Variants in DCAF8 observed in about 807,000 individuals in gnomAD.
DCAF8 encodes the protein DDB1- and CUL4-associated factor 8.
In DCAF8, 20 loss-of-function variants were observed where a neutral mutation model predicts 68.0. The observed-to-expected ratio is 0.29, with a 90% CI of 0.21 to 0.43. The LOEUF is 0.43. Ranked by LOEUF, DCAF8 falls within the 20% of genes least tolerant of loss-of-function variation. DCAF8 has a pLI of 1.00. For synonymous variants in DCAF8, 230 were observed against 276.9 expected (o/e 0.83, Z 1.68); for missense variants, 460 against 771.0 (o/e 0.60, Z 4.78).
At chr1:160,224,600 G>A (rs555995113) in intron 9 of DCAF8, 51 bp from the exon 10 acceptor site, 21 of 1,468,394 alleles carry the variant, frequency 1.4e-5, no homozygotes, top group African/African-American at 5.6e-5. Context: ...AAAAAGCAGG[G>A]ACCAGGAGGT....
chr1:160,227,079 C>A (rs1431423891), intron 7 of DCAF8, among the ~76,000 whole-genome samples: 1 of 152,162 alleles, frequency 6.6e-6, no homozygotes, highest in Non-Finnish European at 1.5e-5. Flanking sequence ...TGCACATAAG[C>A]ATACTTTCTG....
intron 3 of DCAF8, among the ~76,000 whole-genome samples, chr1:160,241,146 C>T (rs1350446914): frequency 2.0e-5 from 3 of 151,968 alleles, no homozygotes; most frequent in Middle Eastern, 3.2e-3. Flanking sequence ...AGCGAGACTC[C>T]ATCTCAAAAA....
At chr1:160,242,845 C>T (rs1656173144) in intron 3 of DCAF8, among the ~76,000 whole-genome samples, 1 of 152,182 alleles carries the variant, frequency 6.6e-6, no homozygotes, top group Non-Finnish European at 1.5e-5. Flanking sequence ...GTTTGCCAAT[C>T]CTTGACCTAG....
At position 160,217,340 on chromosome 1, in the gene DCAF8, T is replaced by C; in HGVS notation, c.*252A>G. 2 of 381,866 alleles carry C rather than the reference T, an allele frequency of 5.2e-6. No individual in the cohort carries two copies. Among genetic ancestry groups the C allele is most frequent in the Non-Finnish European group, 4.6e-6 (1 of 215,106 alleles). The allele number at this position is 381,866 out of a possible 1,614,324, so 23.7% of individuals were successfully genotyped here. A position where few individuals can be genotyped will look rare whatever the true frequency, so the allele number is the denominator to read the frequency against. On this transcript the variant is annotated 3_prime_UTR_variant, in exon 14 of 14. Coordinates refer to ENST00000368074, the MANE Select transcript of DCAF8 (RefSeq NM_015726.4). ...TTCCCTCTCCTCTCAAAAAGAGGCT[T>C]TGGGGAGAGGCCATTTCTGCCGAGT...
chr1:160,254,751 C>T (rs965763800), intron 2 of DCAF8, among the ~76,000 whole-genome samples: 2 of 151,744 alleles, frequency 1.3e-5, no homozygotes, highest in South Asian at 4.1e-4. Flanking sequence ...AGTCATGCCA[C>T]TGCACTACAG....
chr1:160,240,903 G>A (rs111419858), intron 3 of DCAF8, among the ~76,000 whole-genome samples: 4,005 of 152,230 alleles, frequency 0.026, 211 homozygotes, highest in African/African-American at 0.092. Flanking sequence ...GGTGGCTCAC[G>A]CCTGTAATCC....
At chr1:160,237,077 T>C (rs540506163) in intron 6 of DCAF8, 58 bp downstream of exon 6, 35 of 1,244,370 alleles carry the variant, frequency 2.8e-5, no homozygotes, top group Non-Finnish European at 3.2e-5. Context: ...CCAAGACATA[T>C]GGAATATGTT....
chr1:160,232,945 A>T (rs1399840726), intron 6 of DCAF8, among the ~76,000 whole-genome samples: 1 of 152,236 alleles, frequency 6.6e-6, no homozygotes, highest in East Asian at 1.9e-4. Context: ...GGGTGGCATG[A>T]GGAATATTCT....
chr1:160,250,540 A>T (rs982399359), intron 2 of DCAF8, among the ~76,000 whole-genome samples: 14 of 152,224 alleles, frequency 9.2e-5, no homozygotes, highest in Admixed American at 2.0e-4. Flanking sequence ...AAATGACATA[A>T]TACCATTAAA....
chr1:160,246,377 A>G (rs1349763084), intron 2 of DCAF8, among the ~76,000 whole-genome samples: 1 of 152,236 alleles, frequency 6.6e-6, no homozygotes, highest in East Asian at 1.9e-4. Flanking sequence ...TAATTGCTCT[A>G]GAAAATACAT....
In DCAF8 at chr1:160,217,522, G is replaced by T; in HGVS notation, c.*70C>A. 1 of 1,164,658 alleles carries T rather than the reference G, an allele frequency of 8.6e-7. No individual in the cohort carries two copies. The highest frequency in any genetic ancestry group is 1.3e-6 in the Non-Finnish European group (1 of 799,136). 72.1% of individuals were successfully genotyped at this position (1,164,658 alleles called of 1,614,324 possible). A position where few individuals can be genotyped will look rare whatever the true frequency, so the allele number is the denominator to read the frequency against. On this transcript the variant is annotated 3_prime_UTR_variant, in exon 14 of 14. Coordinates refer to ENST00000368074, the MANE Select transcript of DCAF8 (RefSeq NM_015726.4). ...TGCGTTTCTGCTGAATGTAGGGCCT[G>T]GGACAGGAAAGGGTTGCCCAGGCAG...
At chr1:160,236,672 A>C (rs575423211) in intron 6 of DCAF8, among the ~76,000 whole-genome samples, 5 of 152,336 alleles carry the variant, frequency 3.3e-5, no homozygotes, top group African/African-American at 1.2e-4. Flanking sequence ...TTTACCTATG[A>C]GTCTCAGATT....
At chr1:160,261,919 C>G (rs1435290755) in intron 1 of DCAF8, 1 of 159,882 alleles carries the variant, frequency 6.3e-6, no homozygotes, top group Admixed American at 6.5e-5. Context: ...GCCTTCCGTA[C>G]AAGGTGCTGG....
At chr1:160,248,077 G>A (rs866928175) in intron 2 of DCAF8, among the ~76,000 whole-genome samples, 5 of 152,078 alleles carry the variant, frequency 3.3e-5, no homozygotes, top group African/African-American at 4.8e-5. Context: ...AGGCCAAGGC[G>A]GGTGGATCAC....
chr1:160,238,592 C>A lies in DCAF8; in HGVS notation c.864+15G>T. 6.3e-7 allele frequency: 1 copy of A among 1,580,244 alleles called. No homozygotes were observed. ...GATTTGGATTGCACAAATTTTGGAG[C>A]AAGGTCTTACTTACCTTGTGGGACG... On this transcript the variant is annotated intron_variant, in intron 5 of 13. Transcript: ENST00000368074.
chr1:160,260,289 T>A (rs1023214478), intron 2 of DCAF8, among the ~76,000 whole-genome samples: 1 of 152,224 alleles, frequency 6.6e-6, no homozygotes, highest in South Asian at 2.1e-4. Flanking sequence ...AATATTAGTC[T>A]AGTATTTAAA....
At chr1:160,235,841 C>A (rs1284612647) in intron 6 of DCAF8, among the ~76,000 whole-genome samples, 1 of 151,840 alleles carries the variant, frequency 6.6e-6, no homozygotes, top group Admixed American at 6.6e-5. Context: ...CAGGTTCAAG[C>A]GATTCTCCTG....
At chr1:160,235,537 TAAC>T (rs930519806) in intron 6 of DCAF8, among the ~76,000 whole-genome samples, 3 of 151,978 alleles carry the variant, frequency 2.0e-5, no homozygotes, top group Non-Finnish European at 4.4e-5. Flanking sequence ...CTCTCATGGT[TAAC>T]AACAAGGTAG....
intron 11 of DCAF8, among the ~76,000 whole-genome samples, chr1:160,221,967 C>T (rs1243395781): frequency 6.6e-6 from 1 of 152,082 alleles, no homozygotes; most frequent in African/African-American, 2.4e-5. Flanking sequence ...GACTATGATA[C>T]GATCATGGGT....
Sources: allele counts gnomAD v4.1 joint callset (sites outside exome capture counted in the v4.1 genomes callset), GRCh38; gene constraint gnomAD v4.1.1; transcripts MANE v1.5; gene names NCBI Gene and HGNC (gene_info 2026-07-23, HGNC 2026-07-21).